RASGRP3: variants seen among roughly 807,000 people sequenced by gnomAD.
The protein encoded by RASGRP3 is ras guanyl-releasing protein 3.
A neutral mutation model predicts 82.7 loss-of-function variants in RASGRP3; 54 were observed. The observed-to-expected ratio is 0.65, with a 90% CI of 0.52 to 0.82. The LOEUF is 0.82. Among genes scored for constraint, RASGRP3 ranks in the 40% least tolerant of loss-of-function variants. The probability of loss-of-function intolerance (pLI) is 0.00; values close to 1 mark genes in which losing one functional copy is unlikely to be tolerated. For missense variants in RASGRP3, 861 were observed against 828.9 expected, an observed-to-expected ratio of 1.04 and a Z score of -0.48; for synonymous variants, 309 against 300.5, an observed-to-expected ratio of 1.03 and a Z score of -0.29.
chr2:33,509,562 T>C (rs1320502588), intron 1 of RASGRP3, among the ~76,000 whole-genome samples: 1 of 152,234 alleles, frequency 6.6e-6, no homozygotes, highest in Non-Finnish European at 1.5e-5. Context: ...ACTTTAGTCA[T>C]TGTAAATGTC....
chr2:33,562,678 AT>A (rs1676811881), intron 17 of RASGRP3, 50 bp from the exon 18 acceptor site: 1 of 1,598,036 alleles, frequency 6.3e-7, no homozygotes, highest in Non-Finnish European at 8.6e-7. Flanking sequence ...GAACACTCTT[AT>A]TTTGTTATAT....
intron 1 of RASGRP3, among the ~76,000 whole-genome samples, chr2:33,502,899 CTAA>C (rs1670009237): frequency 6.6e-6 from 1 of 152,118 alleles, no homozygotes; most frequent in Non-Finnish European, 1.5e-5. Context: ...TCTAGATCCA[CTAA>C]TGAGTCCAAA....
chr2:33,486,918 A>G (rs1487730404), intron 1 of RASGRP3, among the ~76,000 whole-genome samples: 4 of 152,226 alleles, frequency 2.6e-5, no homozygotes, highest in Non-Finnish European at 5.9e-5. Context: ...CTTCTGAAGC[A>G]TGTCGGTATT....
At chr2:33,471,492 C>T (rs1237642976) in intron 2 of RASGRP3, among the ~76,000 whole-genome samples, 2 of 151,906 alleles carry the variant, frequency 1.3e-5, no homozygotes, top group African/African-American at 4.8e-5. Context: ...TTATTTTTTA[C>T]ATCTTTAGGG....
chr2:33,514,488 G>GC (rs1671235503), intron 2 of RASGRP3, among the ~76,000 whole-genome samples: 1 of 76,356 alleles, frequency 1.3e-5, no homozygotes, highest in Non-Finnish European at 2.4e-5. Flanking sequence ...GGGCAACATG[G>GC]TAAAACCCCA....
At chr2:33,436,409 A>T (rs546505159) in exon 1 of RASGRP3, 22 of 152,290 alleles carry the variant, frequency 1.4e-4, no homozygotes, top group African/African-American at 4.3e-4. Flanking sequence ...TGCAAATTTC[A>T]ATTTTTTTTC....
intron 1 of RASGRP3, among the ~76,000 whole-genome samples, chr2:33,510,119 T>C (rs1257827673): frequency 6.6e-6 from 1 of 152,220 alleles, no homozygotes; most frequent in Non-Finnish European, 1.5e-5. Flanking sequence ...TTTGTCTCCA[T>C]ATGGAGGTCA....
intron 2 of RASGRP3, among the ~76,000 whole-genome samples, chr2:33,469,699 G>A (rs931116705): frequency 6.6e-6 from 1 of 152,108 alleles, no homozygotes; most frequent in Non-Finnish European, 1.5e-5. Flanking sequence ...GACCTTAGAT[G>A]ATCTGCCCAC....
intron 1 of RASGRP3, among the ~76,000 whole-genome samples, chr2:33,500,269 G>A (rs1209153659): frequency 2.6e-5 from 4 of 152,154 alleles, no homozygotes; most frequent in African/African-American, 9.7e-5. Context: ...TAAGACCACA[G>A]GGAACTGTGG....
chr2:33,502,733 C>G (rs535933786), intron 1 of RASGRP3, among the ~76,000 whole-genome samples: 1 of 152,118 alleles, frequency 6.6e-6, no homozygotes, highest in South Asian at 2.1e-4. Context: ...CAGGCTGATC[C>G]CGAACTCCTG....
intron 1 of RASGRP3, among the ~76,000 whole-genome samples, chr2:33,486,939 G>C (rs372985161): frequency 1.1e-4 from 17 of 151,978 alleles, no homozygotes; most frequent in Non-Finnish European, 2.5e-4. Flanking sequence ...TTTGAGAACC[G>C]ATTTATATAT....
At chr2:33,507,595 G>A (rs13426535) in intron 1 of RASGRP3, among the ~76,000 whole-genome samples, 10 of 152,222 alleles carry the variant, frequency 6.6e-5, no homozygotes, top group Middle Eastern at 6.8e-3. Context: ...GCAGGATCTC[G>A]ACTCCCTGCA....
intron 2 of RASGRP3, among the ~76,000 whole-genome samples, chr2:33,513,009 G>A (rs573556608): frequency 2.1e-4 from 32 of 152,330 alleles, no homozygotes; most frequent in Non-Finnish European, 3.8e-4. Context: ...GAGCTGAGAG[G>A]TGCGTTGTTT....
At chr2:33,496,791 A>G (rs1243424751) in intron 1 of RASGRP3, among the ~76,000 whole-genome samples, 2 of 152,262 alleles carry the variant, frequency 1.3e-5, no homozygotes, top group Non-Finnish European at 2.9e-5. Flanking sequence ...CAGGAGGCAG[A>G]GGTTGCAGTG....
chr2:33,484,145 C>G (rs1311269730), intron 1 of RASGRP3, among the ~76,000 whole-genome samples: 1 of 152,100 alleles, frequency 6.6e-6, no homozygotes, highest in Non-Finnish European at 1.5e-5. Context: ...GGGAAGATAC[C>G]AGGAGGAATT....
At chr2:33,511,570 ATGT>A (rs1466429013) in intron 1 of RASGRP3, 137 bp from the exon 2 acceptor site, 3 of 152,602 alleles carry the variant, frequency 2.0e-5, no homozygotes, top group African/African-American at 4.8e-5. Flanking sequence ...TTGTTAATTG[ATGT>A]TGTGGGTGAA....
intron 11 of RASGRP3, 38 bp from the exon 12 acceptor site, chr2:33,539,056 A>T (rs1270289495): frequency 1.5e-6 from 2 of 1,368,862 alleles, no homozygotes; most frequent in Non-Finnish European, 2.0e-6. Context: ...TAATAATAAT[A>T]AAGTTGAAAA....
In RASGRP3 at chr2:33,527,218, T is replaced by C. The variant is rs777576243; in HGVS notation, c.889T>C (p.Phe297Leu). 3 of 1,613,900 alleles carry C rather than the reference T, an allele frequency of 1.9e-6. No individual in the cohort carries two copies. In the Admixed American group the frequency reaches 5.0e-5, roughly 27 times the overall value. ...CAAGGCCTTTGCCGACTGCGATGGC[T>C]TCAAAATCCCCATCCTTGGAGTACA... The part of the protein sequence containing the change: ...YRKAFADCDG[F>L]KIPILGVHLK... The change falls in exon 10 of 18, where the codon TTC (phenylalanine) becomes CTC (leucine). Residue 297 changes from phenylalanine (F) to leucine (L), a missense_variant. Physicochemically the swap from Phe to Leu is conservative, Grantham distance 22 (BLOSUM62 0). Coordinates refer to ENST00000403687, the MANE Select transcript of RASGRP3 (RefSeq NM_001139488.2).
chr2:33,517,650 C>A (rs1314819324), intron 4 of RASGRP3, among the ~76,000 whole-genome samples: 1 of 152,154 alleles, frequency 6.6e-6, no homozygotes, highest in African/African-American at 2.4e-5. Context: ...AAGATCCTAG[C>A]TCCCAGTGGT....
Sources: gnomAD v4.1 joint callset for allele counts (sites outside exome capture counted in the v4.1 genomes callset) on GRCh38, gnomAD v4.1.1 for gene constraint, MANE v1.5 for transcripts, NCBI Gene and HGNC (gene_info 2026-07-23, HGNC 2026-07-21) for gene names.